Variants in SFSWAP observed in about 807,000 individuals in gnomAD.
SFSWAP encodes splicing factor, suppressor of white-apricot homolog.
SFSWAP carries 17 observed loss-of-function variants against 100.7 expected under a neutral mutation model. The observed-to-expected ratio is 0.17, with a 90% CI of 0.12 to 0.25. SFSWAP has a LOEUF of 0.25. SFSWAP is among the 10% of genes least tolerant of loss of function. The pLI is 1.00. For missense variants in SFSWAP, 1,005 were observed against 1,262.6 expected (o/e 0.80, Z 3.09); for synonymous variants, 504 against 510.1 (o/e 0.99, Z 0.16).
At chr12:131,799,010 G>A in intron 16 of SFSWAP, 27 bp from the exon 17 acceptor site, 4 of 1,565,182 alleles carry the variant, frequency 2.6e-6, no homozygotes, top group Non-Finnish European at 3.5e-6. Flanking sequence ...ACGGTTGTAA[G>A]CTCTGCTCTC....
At chr12:131,790,710 A>G (rs537114542) in intron 15 of SFSWAP, among the ~76,000 whole-genome samples, 1 of 152,284 alleles carries the variant, frequency 6.6e-6, no homozygotes, top group South Asian at 2.1e-4. Context: ...AGTTTTTCCC[A>G]TTGAGTTTCT....
intron 15 of SFSWAP, among the ~76,000 whole-genome samples, chr12:131,789,479 G>C (rs535477291): frequency 1.3e-5 from 2 of 152,114 alleles, no homozygotes; most frequent in Non-Finnish European, 2.9e-5. Context: ...GGCTGTGATC[G>C]TGCCTGTGAA....
intron 7 of SFSWAP, among the ~76,000 whole-genome samples, chr12:131,749,176 A>G (rs959013666): frequency 6.6e-6 from 1 of 152,202 alleles, no homozygotes; most frequent in African/African-American, 2.4e-5. Context: ...AGGCTGTGCC[A>G]TGGTGTTCGG....
At chr12:131,762,141 G>A (rs1399302854) in intron 11 of SFSWAP, among the ~76,000 whole-genome samples, 1 of 152,150 alleles carries the variant, frequency 6.6e-6, no homozygotes, top group East Asian at 1.9e-4. Context: ...GCTGAGGCAG[G>A]AGAATCGCTT....
chr12:131,759,934 C>T (rs1012064281), intron 11 of SFSWAP, among the ~76,000 whole-genome samples: 2 of 152,166 alleles, frequency 1.3e-5, no homozygotes, highest in African/African-American at 4.8e-5. Context: ...GTGGCTTTCT[C>T]AGATGCCGAG....
chr12:131,756,681 ACC>A (rs750868493), intron 11 of SFSWAP, 37 bp downstream of exon 11: 20 of 1,527,472 alleles, frequency 1.3e-5, no homozygotes, highest in Non-Finnish European at 1.8e-5. Flanking sequence ...TGCACATTCC[ACC>A]ATAAGTTGGC....
chr12:131,795,997 GGGGGAGGGGAGGGGAGGGGAGA>G (rs1885626350), intron 15 of SFSWAP: 1 of 28,554 alleles, frequency 3.5e-5, no homozygotes, highest in African/African-American at 1.6e-4. Context: ...GGAGGGGAGA[GGGGGAGGGGAGGGGAGGGGAGA>G]GGGGGAGGGG....
intron 7 of SFSWAP, among the ~76,000 whole-genome samples, chr12:131,746,424 C>T (rs1881107477): frequency 1.3e-5 from 2 of 152,206 alleles, no homozygotes; most frequent in African/African-American, 4.8e-5. Context: ...GCTTCTCTGG[C>T]ATGTGGGTCG....
rs60047663 is a variant in SFSWAP at position 131,740,966 on chromosome 12, CTTTTTTTTTTTTTTTTTTT to C, written c.1082-12151_1082-12133del. Among the ~76,000 whole-genome samples, 152 of 70,158 alleles carry C rather than the reference CTTTTTTTTTTTTTTTTTTT, an allele frequency of 2.2e-3. 2 individuals are homozygous for C. Among genetic ancestry groups the C allele is most frequent in the African/African-American group, 8.3e-3 (143 of 17,134 alleles). 46.0% of individuals were successfully genotyped at this position (70,158 alleles called of 152,430 possible). On this transcript the variant is annotated intron_variant, in intron 7 of 17. Transcript: ENST00000261674. ...TCATTTCTTTTTTTTTCTTTTTTTT[CTTTTTTTTTTTTTTTTTTT>C]TTTTTGAGATAGAGTCTCACTCTGT... is the stretch of plus-strand genomic sequence containing the variant.
chr12:131,779,147 T>G (rs1884260530), intron 14 of SFSWAP, among the ~76,000 whole-genome samples: 1 of 146,874 alleles, frequency 6.8e-6, no homozygotes, highest in Non-Finnish European at 1.5e-5. Context: ...GTGGCACCGG[T>G]GAGCGTGTGT....
chr12:131,712,082 TTGG>T (rs916676444), intron 1 of SFSWAP: 2 of 152,554 alleles, frequency 1.3e-5, no homozygotes, highest in Non-Finnish European at 2.9e-5. Flanking sequence ...TGCCCGTCAG[TTGG>T]TGGCCACTTG....
At chr12:131,773,889 G>A (rs115112297) in intron 13 of SFSWAP, among the ~76,000 whole-genome samples, 2,419 of 152,254 alleles carry the variant, frequency 0.016, 65 homozygotes, top group African/African-American at 0.052. Flanking sequence ...TGGCGGCTCC[G>A]GGACCTGGGG....
intron 14 of SFSWAP, among the ~76,000 whole-genome samples, chr12:131,779,227 G>GCGGGTGAGCGTGTGTGAAGAGGGCGGCA: frequency 1.3e-5 from 2 of 149,998 alleles, no homozygotes; most frequent in Admixed American, 6.6e-5. Flanking sequence ...AGAGGGCGGC[G>GCGGGTGAGCGTGTGTGAAGAGGGCGGCA]CGGGTGAGCG....
rs540399168 is a variant in SFSWAP, at chr12:131,761,209, G to A, written c.1721-3247G>A. On this transcript the variant is annotated intron_variant, in intron 11 of 17. Coordinates refer to ENST00000261674, the MANE Select transcript of SFSWAP (RefSeq NM_004592.4). The stretch of plus-strand genomic sequence containing the variant: ...TATTGGAATTGCAATTGATCTATTT[G>A]CTCATATGTTTTCAAAATCTCCCAC... Among the ~76,000 whole-genome samples the A allele has an allele frequency of 3.9e-5, 6 of 152,220 alleles. No individual in the cohort carries two copies. The South Asian group carries it at 1.0e-3, about 26-fold the overall frequency.
Position 131,728,771 on chromosome 12 carries a change from G to C in SFSWAP, c.1081+343G>C, listed in dbSNP as rs1351482368. Among the ~76,000 whole-genome samples, 7 of 151,538 alleles carry C rather than the reference G, an allele frequency of 4.6e-5. No homozygotes were observed. The East Asian group carries it at 1.2e-3, about 25-fold the overall frequency. ...GCCAGAGTGCAGGGATGCAAGCATG[G>C]TTCACGGCAGCCTGACCTCCCAAAC... On this transcript the variant is annotated intron_variant, in intron 7 of 17. Coordinates refer to ENST00000261674, the MANE Select transcript of SFSWAP (RefSeq NM_004592.4).
chr12:131,714,895 T>C lies in SFSWAP; in HGVS notation c.462T>C (p.Gly154=). The C allele has an allele frequency of 6.2e-7, 1 of 1,614,104 alleles. No homozygotes were observed. The highest frequency in any genetic ancestry group is 8.5e-7 in the Non-Finnish European group (1 of 1,180,008). Reference sequence around the variant, plus strand: ...ACAATGCCGTGGGGTTCACTTACGGTAGCGACTATTACGACCCGTCAGAGC... The same window carrying C: ...ACAATGCCGTGGGGTTCACTTACGGCAGCGACTATTACGACCCGTCAGAGC... The part of the protein sequence containing the change: ...GSYNAVGFTY[G]SDYYDPSEPT... Residue 154 remains glycine, a synonymous_variant, in exon 3 of 18, where the codon GGT becomes GGC. Coordinates refer to ENST00000261674, the MANE Select transcript of SFSWAP (RefSeq NM_004592.4). This position sits in a 1 kb window ranked among gnomAD's most constrained non-coding sequence, Gnocchi z 6.0.
At chr12:131,713,526 TA>T (rs1265073235) in intron 1 of SFSWAP, 1 of 152,352 alleles carries the variant, frequency 6.6e-6, no homozygotes, top group Non-Finnish European at 1.5e-5. Context: ...GCCAAGTGGC[TA>T]GGGGGCGAGC....
chr12:131,766,330 G>T (rs1231220877), intron 13 of SFSWAP, 22 bp downstream of exon 13: 2 of 1,604,586 alleles, frequency 1.2e-6, no homozygotes, highest in Non-Finnish European at 8.5e-7. Context: ...TCCCACATTG[G>T]TATCTGCGGG....
chr12:131,771,678 G>A (rs372490384), intron 13 of SFSWAP, among the ~76,000 whole-genome samples: 10 of 133,096 alleles, frequency 7.5e-5, no homozygotes, highest in African/African-American at 2.1e-4. Context: ...TTTTTGAGAC[G>A]GAGTCTCGCT....
Sources: gnomAD v4.1 joint callset for allele counts (sites outside exome capture counted in the v4.1 genomes callset) on GRCh38, gnomAD v4.1.1 for gene constraint, Gnocchi (gnomAD v3.1) non-coding constraint, MANE v1.5 for transcripts, NCBI Gene and HGNC (gene_info 2026-07-23, HGNC 2026-07-21) for gene names.